Variants in STK10 observed in about 807,000 individuals in gnomAD.
The protein encoded by STK10 is serine/threonine kinase 10, also known as serine/threonine-protein kinase 10.
Under a neutral mutation model 113.8 loss-of-function variants are expected in STK10, and 78 were observed. That is an observed-to-expected ratio of 0.69 (90% confidence interval 0.57 to 0.83). The LOEUF is 0.83. STK10 is among the 40% of genes least tolerant of loss of function. The pLI, the probability that STK10 is intolerant of heterozygous loss-of-function variation, is 0.00. For synonymous variants in STK10, 465 were observed against 494.7 expected, an observed-to-expected ratio of 0.94 and a Z score of 0.80; for missense variants, 1,109 against 1,280.1, an observed-to-expected ratio of 0.87 and a Z score of 2.04.
Position 172,044,549 on chromosome 5 carries a change from A to T in STK10, c.*333T>A, listed in dbSNP as rs2113675004. On this transcript the variant is annotated 3_prime_UTR_variant, in exon 19 of 19. Coordinates refer to ENST00000176763, the MANE Select transcript of STK10 (RefSeq NM_005990.4). The surrounding 1 kb of genome is among the most constrained non-coding windows in gnomAD (Gnocchi z 4.5). ...CAAAACTGGTATTTTCGCAAACAGGAGAGGACTCGAGGCCACAGAACACCC... is the reference window on the plus strand; with the variant it reads ...CAAAACTGGTATTTTCGCAAACAGGTGAGGACTCGAGGCCACAGAACACCC... The T allele has an allele frequency of 2.8e-6, 1 of 353,820 alleles. No individual in the cohort carries two copies. Among genetic ancestry groups the T allele is most frequent in the South Asian group, 3.3e-5 (1 of 30,240 alleles). The allele number at this position is 353,820 out of a possible 1,614,324, so 21.9% of individuals were successfully genotyped here. A position where few individuals can be genotyped will look rare whatever the true frequency, so the allele number is the denominator to read the frequency against.
At chr5:172,126,907 G>A (rs150077944) in intron 3 of STK10, among the ~76,000 whole-genome samples, 1 of 152,254 alleles carries the variant, frequency 6.6e-6, no homozygotes, top group Non-Finnish European at 1.5e-5. Flanking sequence ...GAGGGAGAGT[G>A]GCCAGTTCAA....
intron 1 of STK10, among the ~76,000 whole-genome samples, chr5:172,171,242 G>A (rs1310253870): frequency 1.3e-5 from 2 of 152,146 alleles, no homozygotes; most frequent in African/African-American, 2.4e-5. Context: ...GCGGTGGGAC[G>A]TTCTTGAACT....
At chr5:172,089,605 G>A (rs1768650132) in intron 10 of STK10, among the ~76,000 whole-genome samples, 1 of 152,150 alleles carries the variant, frequency 6.6e-6, no homozygotes, top group Non-Finnish European at 1.5e-5. Flanking sequence ...TGGACGGATG[G>A]GTGATTGGGT....
chr5:172,136,471 C>A (rs1316176003), intron 2 of STK10, among the ~76,000 whole-genome samples: 2 of 152,168 alleles, frequency 1.3e-5, no homozygotes, highest in East Asian at 3.9e-4. Flanking sequence ...GTGGCAGGCA[C>A]CTGTAGTCCC....
At chr5:172,106,401 C>CAAAAAGAAAAAAAAAAAA (rs1769107798) in intron 6 of STK10, among the ~76,000 whole-genome samples, 1 of 53,442 alleles carries the variant, frequency 1.9e-5, no homozygotes, top group African/African-American at 5.5e-5. Flanking sequence ...GACCCTATCT[C>CAAAAAGAAAAAAAAAAAA]AAAAAAAAAA....
intron 4 of STK10, among the ~76,000 whole-genome samples, 158 bp downstream of exon 4, chr5:172,117,323 A>G (rs1769409112): frequency 6.6e-6 from 1 of 152,210 alleles, no homozygotes; most frequent in Admixed American, 6.5e-5. Flanking sequence ...CAAAGAATCA[A>G]GAGTAGGAAG....
At chr5:172,090,929 C>T (rs558357651) in intron 9 of STK10, among the ~76,000 whole-genome samples, 38 of 126,800 alleles carry the variant, frequency 3.0e-4, no homozygotes, top group Non-Finnish European at 4.8e-4. Context: ...AGCTAGACTC[C>T]GTCTCTAAAA....
In STK10 at chr5:172,156,792, C is replaced by T; in HGVS notation, c.157-4G>A. 1.2e-6 allele frequency: 2 copies of T among 1,612,062 alleles called. No individual in the cohort carries two copies. The highest frequency in any genetic ancestry group is 1.7e-6 in the Non-Finnish European group (2 of 1,178,526). On this transcript the variant is annotated splice_polypyrimidine_tract_variant and splice_region_variant and intron_variant, in intron 1 of 18. Transcript: ENST00000176763. ...CACCCGTCTCCTTATTCTTGGCCTGCAAAGAGGAGATACAGGAGGTCAACA... is the reference window on the plus strand; with the variant it reads ...CACCCGTCTCCTTATTCTTGGCCTGTAAAGAGGAGATACAGGAGGTCAACA...
At chr5:172,185,577 A>G (rs1302081242) in intron 1 of STK10, among the ~76,000 whole-genome samples, 2 of 152,200 alleles carry the variant, frequency 1.3e-5, no homozygotes, top group African/African-American at 2.4e-5. Flanking sequence ...CAAAAAACCC[A>G]TATGTTTAGC....
rs552718001 is a variant in STK10, at chr5:172,093,008, G to A, written c.1554+404C>T. 645 of 172,040 alleles carry A rather than the reference G, an allele frequency of 3.7e-3. 5 individuals carry two copies. The highest frequency in any genetic ancestry group is 0.015 in the African/African-American group (612 of 42,086). 10.7% of individuals were successfully genotyped at this position (172,040 alleles called of 1,614,324 possible). ...CCAGGCCTCTAGTGCGGTGGCTATC[G>A]TCATTCGCAACACTGCCCACCTCCA... On this transcript the variant is annotated intron_variant, in intron 9 of 18. Transcript: ENST00000176763. The surrounding 1 kb of genome is among the most constrained non-coding windows in gnomAD (Gnocchi z 4.1).
At chr5:172,181,717 C>G (rs1318552082) in intron 1 of STK10, among the ~76,000 whole-genome samples, 2 of 148,174 alleles carry the variant, frequency 1.3e-5, no homozygotes, top group Non-Finnish European at 3.0e-5. Flanking sequence ...CTCCTGACCT[C>G]AGGTTATGCT....
At chr5:172,179,820 C>A (rs1374816519) in intron 1 of STK10, among the ~76,000 whole-genome samples, 1 of 152,154 alleles carries the variant, frequency 6.6e-6, no homozygotes, top group Non-Finnish European at 1.5e-5. Context: ...GAAGTGGAAA[C>A]CCAAGCTTTC....
At chr5:172,062,224 C>A (rs528011696) in intron 13 of STK10, among the ~76,000 whole-genome samples, 1 of 151,852 alleles carries the variant, frequency 6.6e-6, no homozygotes, top group African/African-American at 2.4e-5. Flanking sequence ...GTGATCCACC[C>A]GCCTCGGCCT....
At position 172,093,855 on chromosome 5, in the gene STK10, A is replaced by G. The variant is rs754408266; in HGVS notation, c.1111T>C (p.Ser371Pro). The stretch of plus-strand genomic sequence containing the variant: ...CAGGGCTCATTCACACTGTCCTGAG[A>G]CTGGCTGGGTGCCAGCGGGGTGGAA... ...SPSTPLAPSQSQDSVNEPCSQ... is the reference protein window; with the variant it reads ...SPSTPLAPSQPQDSVNEPCSQ... The change falls in exon 9 of 19, where the codon TCT (serine) becomes CCT (proline). Residue 371 changes from serine to proline, a missense_variant. Physicochemically the swap from Ser to Pro is moderately conservative, Grantham distance 74. Coordinates refer to ENST00000176763, the MANE Select transcript of STK10 (RefSeq NM_005990.4). The surrounding 1 kb of genome is among the most constrained non-coding windows in gnomAD (Gnocchi z 4.1). 1 of 1,586,072 alleles carries G rather than the reference A, an allele frequency of 6.3e-7. No individual in the cohort carries two copies. Among genetic ancestry groups the G allele is most frequent in the African/African-American group, 1.3e-5 (1 of 74,260 alleles).
At chr5:172,148,668 T>C (rs886642107) in intron 2 of STK10, among the ~76,000 whole-genome samples, 11 of 152,212 alleles carry the variant, frequency 7.2e-5, no homozygotes, top group African/African-American at 2.4e-4. Context: ...TGCCGGACGA[T>C]GGCCCCTCAA....
intron 1 of STK10, among the ~76,000 whole-genome samples, chr5:172,183,783 CA>C (rs1260433770): frequency 6.6e-6 from 1 of 152,142 alleles, no homozygotes. Context: ...CTTTTGAAAC[CA>C]ATTTGTAGGA....
intron 2 of STK10, among the ~76,000 whole-genome samples, chr5:172,131,032 GT>G (rs773484183): frequency 0.013 from 1,469 of 109,474 alleles, 10 homozygotes; most frequent in African/African-American, 0.049. Context: ...GCCATCAGCT[GT>G]TTTTTTTTTT....
intron 4 of STK10, chr5:172,108,418 T>C (rs1019787997): frequency 6.6e-6 from 1 of 151,960 alleles, no homozygotes; most frequent in Admixed American, 6.6e-5. Context: ...GAGTTGGAGA[T>C]CAACCTGGCC....
chr5:172,105,790 G>A (rs1240092942), intron 6 of STK10, 53 bp from the exon 7 acceptor site: 2 of 1,524,666 alleles, frequency 1.3e-6, no homozygotes, highest in African/African-American at 2.7e-5. Flanking sequence ...GCAGAGAGAA[G>A]CCCCCCACGT....
Sources: gnomAD v4.1 joint callset for allele counts (sites outside exome capture counted in the v4.1 genomes callset) on GRCh38, gnomAD v4.1.1 for gene constraint, Gnocchi (gnomAD v3.1) non-coding constraint, MANE v1.5 for transcripts, NCBI Gene and HGNC (gene_info 2026-07-23, HGNC 2026-07-21) for gene names.